The following TG variants were observed in gnomAD, a reference collection of about 807,000 sequenced individuals.
TG encodes thyroid hormones.
Under a neutral mutation model 324.7 loss-of-function variants are expected in TG, and 270 were observed. The observed-to-expected ratio is 0.83, with a 90% CI of 0.75 to 0.92. The LOEUF (loss-of-function observed/expected upper bound fraction) is 0.92. Ranked by LOEUF, TG falls within the 40% of genes least tolerant of loss-of-function variation. The pLI, the probability that TG is intolerant of heterozygous loss-of-function variation, is 0.00. For synonymous variants in TG, 1,401 were observed against 1,327.0 expected (o/e 1.06, Z -1.21); for missense variants, 3,591 against 3,456.4 (o/e 1.04, Z -0.98).
At chr8:132,937,458 T>A (rs1563977677) in intron 25 of TG, among the ~76,000 whole-genome samples, 1 of 152,192 alleles carries the variant, frequency 6.6e-6, no homozygotes, top group Non-Finnish European at 1.5e-5. Context: ...GAGATTGGAA[T>A]CTGGCAGAGC....
In TG at chr8:132,867,059, A is replaced by G. The variant is rs1587143282; in HGVS notation, c.59A>G (p.Asn20Ser). ...LLASICWVSANIFEYQVDAQP... is the reference protein window; with the variant it reads ...LLASICWVSASIFEYQVDAQP... ...GCCTCCATCTGCTGGGTGTCGGCCA[A>G]TATCTTCGGTAAGTTCTGAGGCCAT... Residue 20 changes from asparagine to serine, a missense_variant, in exon 1 of 48, where the codon AAT becomes AGT. Physicochemically the swap from Asn to Ser is conservative, Grantham distance 46. Transcript: ENST00000220616. The G allele has an allele frequency of 3.8e-6, 6 of 1,598,870 alleles. No individual in the cohort carries two copies. The East Asian group carries it at 1.1e-4, about 30-fold the overall frequency.
intron 35 of TG, among the ~76,000 whole-genome samples, chr8:132,997,886 A>AT (rs1011603780): frequency 6.6e-6 from 1 of 152,184 alleles, no homozygotes; most frequent in Non-Finnish European, 1.5e-5. Flanking sequence ...TTTTGCCTAT[A>AT]TTTTTTAGGG....
intron 43 of TG, among the ~76,000 whole-genome samples, chr8:133,107,166 T>G (rs954801959): frequency 1.3e-5 from 2 of 152,208 alleles, no homozygotes. Flanking sequence ...GACAGGCATA[T>G]CCACTGAACA....
At chr8:132,907,164 C>G (rs1818808368) in intron 17 of TG, among the ~76,000 whole-genome samples, 2 of 152,188 alleles carry the variant, frequency 1.3e-5, no homozygotes, top group South Asian at 4.1e-4. Flanking sequence ...ATTCTTCCAA[C>G]TTTCTTGGGA....
At chr8:133,099,773 A>G (rs1352367667) in intron 43 of TG, among the ~76,000 whole-genome samples, 3 of 152,192 alleles carry the variant, frequency 2.0e-5, no homozygotes, top group Non-Finnish European at 4.4e-5. Context: ...GCATTCTATC[A>G]GAAAATCCAG....
intron 41 of TG, among the ~76,000 whole-genome samples, chr8:133,064,773 G>C (rs1446008100): frequency 1.3e-5 from 2 of 152,168 alleles, no homozygotes; most frequent in African/African-American, 2.4e-5. Flanking sequence ...AAATCCAGGT[G>C]GGGAGGCTTC....
At chr8:133,058,616 A>G (rs1428450699) in intron 41 of TG, among the ~76,000 whole-genome samples, 1 of 152,130 alleles carries the variant, frequency 6.6e-6, no homozygotes, top group African/African-American at 2.4e-5. Flanking sequence ...AGCAGTGGTT[A>G]TGACCAGAGG....
At chr8:132,872,983 C>A in intron 4 of TG, 79 bp from the exon 5 acceptor site, 1 of 1,477,032 alleles carries the variant, frequency 6.8e-7, no homozygotes, top group Non-Finnish European at 9.4e-7. Context: ...TGCTAAGGGA[C>A]ACGAGTGCAT....
chr8:132,923,455 G>A lies in TG; in HGVS notation c.4646G>A (p.Arg1549Gln), dbSNP rs780281439. Residue 1549 changes from arginine (R) to glutamine (Q), a missense_variant, in exon 22 of 48, where the codon CGG becomes CAG. Coordinates refer to ENST00000220616, the MANE Select transcript of TG (RefSeq NM_003235.5). ...GKAFCVDGEG[R>Q]RLPWWETEAP... Reference sequence around the variant, plus strand: ...GCCTTCTGTGTGGACGGCGAGGGGCGGAGGCTGCCATGGTGGGAAACAGAG... The same window carrying A: ...GCCTTCTGTGTGGACGGCGAGGGGCAGAGGCTGCCATGGTGGGAAACAGAG... The A allele has an allele frequency of 1.7e-5, 27 of 1,613,982 alleles. No individual in the cohort carries two copies. Among genetic ancestry groups the A allele is most frequent in the African/African-American group, 9.3e-5 (7 of 74,898 alleles).
At chr8:133,022,506 A>T (rs1835657002) in intron 40 of TG, among the ~76,000 whole-genome samples, 1 of 152,126 alleles carries the variant, frequency 6.6e-6, no homozygotes, top group Non-Finnish European at 1.5e-5. Context: ...CAGGGCCAAG[A>T]ATTGACTTGC....
rs1400942081 is a variant in TG at position 133,131,900 on chromosome 8, C to T, written c.7951C>T (p.Leu2651=). 37 of 1,614,176 alleles carry T rather than the reference C, an allele frequency of 2.3e-5. No homozygotes were observed. Among genetic ancestry groups the T allele is most frequent in the Non-Finnish European group, 3.1e-5 (36 of 1,180,032 alleles). The stretch of plus-strand genomic sequence containing the variant: ...GCAGTTTTCTCTGGAGGAGAAGAGC[C>T]TGTCGCTGAAAATCATGCAGTACTT... The part of the protein sequence containing the change: ...EGQFSLEEKS[L]SLKIMQYFSH... The change falls in exon 46 of 48, where the codon CTG becomes TTG. Residue 2651 remains leucine (L), a synonymous_variant. Transcript: ENST00000220616.
intron 11 of TG, among the ~76,000 whole-genome samples, chr8:132,894,663 G>A (rs564094031): frequency 6.6e-6 from 1 of 152,294 alleles, no homozygotes; most frequent in African/African-American, 2.4e-5. Context: ...ATTTCACCAT[G>A]TTGGCCAGGC....
chr8:132,906,507 G>C (rs981474844), intron 16 of TG, among the ~76,000 whole-genome samples, 181 bp from the exon 17 acceptor site: 23 of 152,060 alleles, frequency 1.5e-4, no homozygotes, highest in Non-Finnish European at 2.9e-4. Context: ...CATCCAAGTA[G>C]AGGGCAGGGC....
At chr8:132,881,774 G>T (rs1407621480) in intron 5 of TG, 89 bp from the exon 6 acceptor site, 3 of 865,414 alleles carry the variant, frequency 3.5e-6, no homozygotes, top group Non-Finnish European at 6.0e-6. Flanking sequence ...TTTTCACTAG[G>T]CGTGGACTTG....
chr8:133,068,756 G>A (rs1052200261), intron 41 of TG, among the ~76,000 whole-genome samples: 1 of 152,238 alleles, frequency 6.6e-6, no homozygotes, highest in South Asian at 2.1e-4. Flanking sequence ...CATTCCTGAC[G>A]TGGCTTTGAT....
At chr8:133,084,719 C>G (rs889596608) in intron 41 of TG, among the ~76,000 whole-genome samples, 10 of 152,226 alleles carry the variant, frequency 6.6e-5, no homozygotes, top group Non-Finnish European at 5.9e-5. Flanking sequence ...CATTTCCCAG[C>G]AGAAGTGCCC....
chr8:132,957,712 C>A (rs1441356110), intron 27 of TG, among the ~76,000 whole-genome samples: 1 of 144,048 alleles, frequency 6.9e-6, no homozygotes, highest in Non-Finnish European at 1.5e-5. Flanking sequence ...GGGACTGTAA[C>A]CCAAATTCCC....
intron 19 of TG, among the ~76,000 whole-genome samples, chr8:132,911,939 G>T (rs1819592394): frequency 6.6e-6 from 1 of 152,180 alleles, no homozygotes; most frequent in African/African-American, 2.4e-5. Context: ...ATATGGATGA[G>T]TCAACAGAGG....
intron 41 of TG, among the ~76,000 whole-genome samples, chr8:133,039,420 T>A (rs762997529): frequency 5.9e-5 from 9 of 152,234 alleles, no homozygotes; most frequent in Non-Finnish European, 1.0e-4. Context: ...CTCGCATAAT[T>A]TTGATCCTGA....
Sources: gnomAD v4.1 joint callset for allele counts (sites outside exome capture counted in the v4.1 genomes callset) on GRCh38, gnomAD v4.1.1 for gene constraint, MANE v1.5 for transcripts, NCBI Gene and HGNC (gene_info 2026-07-23, HGNC 2026-07-21) for gene names.